STPG2: variants seen among roughly 807,000 people sequenced by gnomAD.
The protein encoded by STPG2 is sperm tail PG-rich repeat containing 2.
Under a neutral mutation model 54.2 loss-of-function variants are expected in STPG2, and 56 were observed. That is an observed-to-expected ratio of 1.03 (90% CI 0.83 to 1.29). The LOEUF (loss-of-function observed/expected upper bound fraction) is 1.29. Ranked by LOEUF, STPG2 falls within the 50% of genes most tolerant of loss-of-function variation. The pLI, the probability that STPG2 is intolerant of heterozygous loss-of-function variation, is 0.00. For missense variants in STPG2, 596 were observed against 544.9 expected (o/e 1.09, Z -0.93); for synonymous variants, 200 against 181.8 (o/e 1.10, Z -0.81).
chr4:98,032,992 C>T (rs552017912), intron 5 of STPG2, among the ~76,000 whole-genome samples: 34 of 151,908 alleles, frequency 2.2e-4, no homozygotes, highest in East Asian at 3.9e-4. Flanking sequence ...AAAGCAGGAA[C>T]GAACTAAAAT....
chr4:98,086,168 T>C (rs902574544), intron 5 of STPG2, among the ~76,000 whole-genome samples: 2 of 152,148 alleles, frequency 1.3e-5, no homozygotes, highest in African/African-American at 4.8e-5. Context: ...GTAAGCTTTA[T>C]CACTATAATA....
intron 9 of STPG2, among the ~76,000 whole-genome samples, chr4:97,756,229 T>A (rs1221889987): frequency 6.6e-6 from 1 of 152,170 alleles, no homozygotes; most frequent in African/African-American, 2.4e-5. Flanking sequence ...TGAGAAACCA[T>A]TAGATAAACA....
At chr4:98,016,481 T>C (rs1735949176) in intron 5 of STPG2, among the ~76,000 whole-genome samples, 1 of 152,178 alleles carries the variant, frequency 6.6e-6, no homozygotes. Context: ...AACTGGGTAA[T>C]TTCAAATAAC....
chr4:97,634,064 A>C (rs762304168), intron 10 of STPG2, among the ~76,000 whole-genome samples: 40 of 152,336 alleles, frequency 2.6e-4, no homozygotes, highest in South Asian at 4.1e-4. Flanking sequence ...AAAAGACCGC[A>C]GTAACCTCTG....
At chr4:97,947,217 C>T (rs371803195) in intron 7 of STPG2, among the ~76,000 whole-genome samples, 9 of 152,082 alleles carry the variant, frequency 5.9e-5, no homozygotes, top group East Asian at 3.9e-4. Flanking sequence ...TACTGATTTG[C>T]GTACATTGAT....
intron 1 of STPG2, among the ~76,000 whole-genome samples, chr4:98,135,100 G>A (rs1740102615): frequency 1.3e-5 from 2 of 151,802 alleles, no homozygotes; most frequent in Non-Finnish European, 1.5e-5. Flanking sequence ...AAAATTATTA[G>A]TGTTTAAGCA....
chr4:97,488,842 G>A (rs1730434363), intron 4 of STPG2, among the ~76,000 whole-genome samples: 1 of 151,720 alleles, frequency 6.6e-6, no homozygotes, highest in Admixed American at 6.6e-5. Flanking sequence ...ACATGGTCTA[G>A]CTGATGGTAA....
intron 8 of STPG2, among the ~76,000 whole-genome samples, chr4:97,921,163 T>C (rs1030645213): frequency 5.3e-5 from 8 of 152,074 alleles, no homozygotes; most frequent in East Asian, 1.9e-4. Context: ...AGTCTCCTCA[T>C]AGGGGGAAGG....
chr4:97,981,955 G>T (rs1734695208), intron 5 of STPG2, among the ~76,000 whole-genome samples: 1 of 150,764 alleles, frequency 6.6e-6, no homozygotes, highest in African/African-American at 2.4e-5. Context: ...CGCGATCTCG[G>T]CTCACTGCAA....
chr4:97,504,095 A>G (rs1323115105), intron 4 of STPG2, among the ~76,000 whole-genome samples: 1 of 144,356 alleles, frequency 6.9e-6, no homozygotes, highest in Admixed American at 7.0e-5. Flanking sequence ...TTTATTTAAT[A>G]TTTAATAAAT....
rs930191778 is a variant in STPG2, at chr4:97,536,197, G to A, written c.462+176502C>T. The stretch of plus-strand genomic sequence containing the variant: ...GGTCACTGATCTTTCCTTCTGCAGT[G>A]TCATTGCACTTAACATGATTTCTTG... On this transcript the variant is annotated intron_variant, in intron 4 of 4. Coordinates refer to the STPG2 transcript ENST00000522676. Among the ~76,000 whole-genome samples, 35 of 152,294 alleles carry A rather than the reference G, an allele frequency of 2.3e-4. 1 individual carries two copies. The highest frequency in any genetic ancestry group is 7.5e-4 in the African/African-American group (31 of 41,560).
intron 10 of STPG2, among the ~76,000 whole-genome samples, chr4:97,616,134 T>G (rs1733869276): frequency 7.8e-6 from 1 of 128,684 alleles, no homozygotes; most frequent in Admixed American, 9.1e-5. Context: ...AAAGCCATGT[T>G]AAGTGCAGTT....
At chr4:97,745,713 A>G (rs577056494) in intron 9 of STPG2, among the ~76,000 whole-genome samples, 1 of 151,238 alleles carries the variant, frequency 6.6e-6, no homozygotes, top group Non-Finnish European at 1.5e-5. Context: ...ACATAGGACT[A>G]TATTTTTCAA....
At chr4:97,629,999 A>G (rs935603145) in intron 10 of STPG2, among the ~76,000 whole-genome samples, 2 of 151,990 alleles carry the variant, frequency 1.3e-5, no homozygotes, top group Non-Finnish European at 2.9e-5. Flanking sequence ...TTGAGTTGTT[A>G]TTAAATAAAT....
chr4:97,869,380 A>T (rs1017260532), intron 8 of STPG2, among the ~76,000 whole-genome samples: 2 of 151,766 alleles, frequency 1.3e-5, no homozygotes, highest in Non-Finnish European at 3.0e-5. Flanking sequence ...ACAGAGTTCT[A>T]CAGAGCCCAG....
chr4:97,916,391 G>C (rs1731877262), intron 8 of STPG2: 1 of 152,618 alleles, frequency 6.6e-6, no homozygotes, highest in Non-Finnish European at 1.5e-5. Flanking sequence ...GATTTCCCCT[G>C]TATCACATGA....
chr4:98,048,597 CA>C, intron 5 of STPG2: 1 of 161,704 alleles, frequency 6.2e-6, no homozygotes, highest in Non-Finnish European at 1.3e-5. Context: ...CCTCAAGAAG[CA>C]GGCCAGCCCT....
At chr4:97,628,012 C>A (rs1171521352) in intron 10 of STPG2, among the ~76,000 whole-genome samples, 2 of 152,144 alleles carry the variant, frequency 1.3e-5, no homozygotes, top group African/African-American at 4.8e-5. Flanking sequence ...TTGGGGAGGG[C>A]AAACTGCTTT....
At chr4:97,685,279 C>G (rs1176084324) in intron 10 of STPG2, among the ~76,000 whole-genome samples, 1 of 151,994 alleles carries the variant, frequency 6.6e-6, no homozygotes, top group African/African-American at 2.4e-5. Flanking sequence ...TTTATAAGAA[C>G]TTTATTCATA....
Sources: gnomAD v4.1 joint callset for allele counts (sites outside exome capture counted in the v4.1 genomes callset) on GRCh38, gnomAD v4.1.1 for gene constraint, MANE v1.5 for transcripts, NCBI Gene and HGNC (gene_info 2026-07-23, HGNC 2026-07-21) for gene names.